Variants in TMTC4 observed in about 807,000 individuals in gnomAD.
TMTC4 encodes the protein transmembrane O-mannosyltransferase targeting cadherins 4, also known as protein O-mannosyl-transferase TMTC4.
TMTC4 carries 65 observed loss-of-function variants against 86.0 expected under a neutral mutation model. That is an observed-to-expected ratio of 0.76 (90% CI 0.62 to 0.93). TMTC4 has a LOEUF of 0.93. Among genes scored for constraint, TMTC4 ranks in the 40% least tolerant of loss-of-function variants. The pLI, the probability that TMTC4 is intolerant of heterozygous loss-of-function variation, is 0.00. For missense variants in TMTC4, 866 were observed against 948.1 expected (o/e 0.91, Z 1.14); for synonymous variants, 379 against 382.5 (o/e 0.99, Z 0.11).
chr13:100,629,505 G>A (rs1052408230), intron 12 of TMTC4, among the ~76,000 whole-genome samples: 1 of 152,092 alleles, frequency 6.6e-6, no homozygotes, highest in Non-Finnish European at 1.5e-5. Context: ...CTGTGAAGTT[G>A]GATTAGAACC....
At chr13:100,657,785 A>G (rs1885283784) in intron 5 of TMTC4, among the ~76,000 whole-genome samples, 1 of 152,236 alleles carries the variant, frequency 6.6e-6, no homozygotes, top group Non-Finnish European at 1.5e-5. Context: ...TTTACATATG[A>G]TTCTCAAGTT....
At chr13:100,655,093 C>T (rs1884927876) in intron 6 of TMTC4, among the ~76,000 whole-genome samples, 1 of 146,332 alleles carries the variant, frequency 6.8e-6, no homozygotes, top group Non-Finnish European at 1.5e-5. Context: ...GCAATCTCGG[C>T]TCACTGCAGC....
chr13:100,647,527 G>GT (rs1452991055), intron 6 of TMTC4, among the ~76,000 whole-genome samples: 1 of 151,890 alleles, frequency 6.6e-6, no homozygotes, highest in Non-Finnish European at 1.5e-5. Flanking sequence ...ATTCCCCAAT[G>GT]TAACAGTCTC....
intron 1 of TMTC4, 26 bp downstream of exon 1, chr13:100,674,718 C>G: frequency 1.0e-6 from 1 of 983,460 alleles, no homozygotes; most frequent in South Asian, 4.7e-5. Context: ...CGCGCTCGGC[C>G]CTGCAGGGGC....
chr13:100,624,247 A>AC (rs2138796647), intron 15 of TMTC4: 1 of 152,184 alleles, frequency 6.6e-6, no homozygotes, highest in Non-Finnish European at 1.5e-5. Context: ...AACGGCGTGA[A>AC]CCCGGGGGGC....
intron 10 of TMTC4, chr13:100,635,595 GA>G (rs1201369363): frequency 2.6e-5 from 4 of 152,722 alleles, no homozygotes; most frequent in Admixed American, 6.5e-5. Flanking sequence ...TTTTCACGGG[GA>G]AAAAAAAATT....
intron 9 of TMTC4, 42 bp from the exon 10 acceptor site, chr13:100,636,776 C>G: frequency 6.2e-7 from 1 of 1,605,294 alleles, no homozygotes; most frequent in Non-Finnish European, 8.5e-7. Context: ...TGATACTGAA[C>G]TTAAAAAACA....
intron 3 of TMTC4, 68 bp from the exon 4 acceptor site, chr13:100,664,404 C>T: frequency 8.6e-7 from 1 of 1,167,870 alleles, no homozygotes. Context: ...GCTCCTCCAT[C>T]TCTCACCTGG....
intron 1 of TMTC4, among the ~76,000 whole-genome samples, chr13:100,673,040 C>T (rs921999803): frequency 1.2e-4 from 18 of 152,212 alleles, no homozygotes; most frequent in African/African-American, 3.6e-4. Flanking sequence ...GTTCTGCTCG[C>T]TACCTGACTC....
Position 100,624,571 on chromosome 13 carries a change from AAAACAAAC to A in TMTC4, c.1836+956_1836+963del, listed in dbSNP as rs71862363. ...GAAACTCTGTCTCCAAAAACAAAAC[AAAACAAAC>A]AAACAAACAAACAAACAAAAAACAA... is the stretch of plus-strand genomic sequence containing the variant. On this transcript the variant is annotated intron_variant, in intron 15 of 18. Coordinates refer to ENST00000342624, the MANE Select transcript of TMTC4 (RefSeq NM_032813.5). 5.2e-4 allele frequency: 78 copies of A among 151,364 alleles called. 1 individual carries two copies. The highest frequency in any genetic ancestry group is 3.3e-3 in the Middle Eastern group (1 of 300). The allele number at this position is 151,364 out of a possible 1,614,324, so 9.4% of individuals were successfully genotyped here.
At chr13:100,669,513 T>C (rs1566650723) in intron 2 of TMTC4, among the ~76,000 whole-genome samples, 1 of 152,198 alleles carries the variant, frequency 6.6e-6, no homozygotes. Context: ...CCTTCAATCC[T>C]GGTGAAAGAG....
At chr13:100,622,589 G>C (rs1433396636) in intron 15 of TMTC4, among the ~76,000 whole-genome samples, 1 of 152,102 alleles carries the variant, frequency 6.6e-6, no homozygotes, top group East Asian at 1.9e-4. Flanking sequence ...ATTTTCTTTT[G>C]TCTGCTGCCA....
chr13:100,638,033 A>G lies in TMTC4; in HGVS notation c.742-11T>C, dbSNP rs1344661300. ...TACCGCATTTAAACCCTAAGAAAGC[A>G]AAGCAAGACAATCAGCCACGGGAGA... is the stretch of plus-strand genomic sequence containing the variant. On this transcript the variant is annotated splice_polypyrimidine_tract_variant and intron_variant, in intron 7 of 18. Coordinates refer to ENST00000342624, the MANE Select transcript of TMTC4 (RefSeq NM_032813.5). 3.1e-6 allele frequency: 5 copies of G among 1,610,812 alleles called. No homozygotes were observed. The highest frequency in any genetic ancestry group is 4.2e-6 in the Non-Finnish European group (5 of 1,178,224).
chr13:100,625,920 C>T (rs768417145), intron 13 of TMTC4, 28 bp from the exon 14 acceptor site: 22 of 1,603,792 alleles, frequency 1.4e-5, no homozygotes, highest in Non-Finnish European at 1.8e-5. Context: ...ACCAAGCTGA[C>T]CATTAAATGC....
intron 9 of TMTC4, 95 bp downstream of exon 9, chr13:100,637,443 G>A: frequency 6.9e-7 from 1 of 1,458,376 alleles, no homozygotes; most frequent in Non-Finnish European, 9.2e-7. Flanking sequence ...GATTTTGTTG[G>A]CGTGCAGAGG....
chr13:100,642,031 A>G (rs1366896575), intron 7 of TMTC4, among the ~76,000 whole-genome samples, 180 bp downstream of exon 7: 1 of 152,218 alleles, frequency 6.6e-6, no homozygotes, highest in Non-Finnish European at 1.5e-5. Flanking sequence ...TCAATTCTCC[A>G]TCTGCAATGC....
At chr13:100,625,451 G>A (rs1441417981) in intron 15 of TMTC4, 84 bp downstream of exon 15, 2 of 1,538,486 alleles carry the variant, frequency 1.3e-6, no homozygotes, top group Non-Finnish European at 1.8e-6. Context: ...GTATGGGCTA[G>A]GTGGGTGTCA....
Position 100,605,087 on chromosome 13 carries a change from G to C in TMTC4, c.2190C>G (p.Ile730Met), listed in dbSNP as rs776496794. 3 of 1,614,016 alleles carry C rather than the reference G, an allele frequency of 1.9e-6. No individual in the cohort carries two copies. The highest frequency in any genetic ancestry group is 2.5e-6 in the Non-Finnish European group (3 of 1,179,992). ...ATGCCGTGGGGTCAAGCTGCAAGGA[G>C]ATTTCATAGTGTTTCTTGGCCAAGT... Reference protein sequence around the residue: ...HLDLAKKHYEISLQLDPTASG... With the variant: ...HLDLAKKHYEMSLQLDPTASG... The change falls in exon 19 of 19, where the codon ATC (isoleucine) becomes ATG (methionine). Residue 730 changes from isoleucine (I) to methionine (M), a missense_variant. Coordinates refer to ENST00000342624, the MANE Select transcript of TMTC4 (RefSeq NM_032813.5). The surrounding 1 kb of genome is among the most constrained non-coding windows in gnomAD (Gnocchi z 4.3).
chr13:100,644,970 A>G (rs1279491208), intron 6 of TMTC4, among the ~76,000 whole-genome samples: 1 of 152,030 alleles, frequency 6.6e-6, no homozygotes, highest in Non-Finnish European at 1.5e-5. Context: ...GCACGCTACC[A>G]CGCCCAGCTA....
Sources: allele counts gnomAD v4.1 joint callset (sites outside exome capture counted in the v4.1 genomes callset), GRCh38; gene constraint gnomAD v4.1.1; non-coding constraint Gnocchi (gnomAD v3.1); transcripts MANE v1.5; gene names NCBI Gene and HGNC (gene_info 2026-07-23, HGNC 2026-07-21).